EPM2A: variants seen among roughly 807,000 people sequenced by gnomAD.
EPM2A encodes EPM2A glucan phosphatase, laforin, also known as laforin.
A neutral mutation model predicts 26.5 loss-of-function variants in EPM2A; 21 were observed. That is an observed-to-expected ratio of 0.79 (90% CI 0.56 to 1.14). The LOEUF is 1.14. EPM2A is among the 50% of genes most tolerant of loss of function. The pLI is 0.00. For synonymous variants in EPM2A, 217 were observed against 177.6 expected, an observed-to-expected ratio of 1.22 and a Z score of -1.76; for missense variants, 458 against 440.8, an observed-to-expected ratio of 1.04 and a Z score of -0.35.
At chr6:145,466,174 A>G (rs1375350689) in intron 4 of EPM2A, among the ~76,000 whole-genome samples, 1 of 151,216 alleles carries the variant, frequency 6.6e-6, no homozygotes, top group Admixed American at 6.6e-5. Context: ...TGCATAGCAA[A>G]AAAAAAAAAC....
chr6:145,581,590 T>A lies in EPM2A; in HGVS notation c.340+53655A>T, dbSNP rs552946775. Reference sequence around the variant, plus strand: ...TTGACAGGTCCTATGTCCAAAATGGTATTTCCAGATTTTCTTCTAGTGTTT... The same window carrying A: ...TTGACAGGTCCTATGTCCAAAATGGAATTTCCAGATTTTCTTCTAGTGTTT... On this transcript the variant is annotated intron_variant, in intron 2 of 3. Transcript: ENST00000450221. 4.9e-3 allele frequency among the ~76,000 whole-genome samples: 751 copies of A among 152,312 alleles called. 11 individuals carry two copies. Among genetic ancestry groups the A allele is most frequent in the African/African-American group, 0.017 (701 of 41,566 alleles).
intron 1 of EPM2A, among the ~76,000 whole-genome samples, chr6:145,713,115 C>A (rs1013367180): frequency 2.0e-5 from 3 of 152,174 alleles, no homozygotes; most frequent in African/African-American, 7.2e-5. Flanking sequence ...CCACTTGTAA[C>A]AGATGTGTTA....
chr6:145,501,503 T>C (rs925219949), downstream of EPM2A: 1 of 207,196 alleles, frequency 4.8e-6, no homozygotes, highest in Non-Finnish European at 9.8e-6. Flanking sequence ...GTGCCATTGC[T>C]TCTACTGCCC....
intron 4 of EPM2A, among the ~76,000 whole-genome samples, chr6:145,391,717 T>C (rs999428897): frequency 1.3e-5 from 2 of 152,186 alleles, no homozygotes; most frequent in African/African-American, 4.8e-5. Context: ...TTGTGACAGA[T>C]CCCTAGATTC....
intron 2 of EPM2A, among the ~76,000 whole-genome samples, chr6:145,558,614 G>A (rs1382514295): frequency 6.6e-6 from 1 of 151,970 alleles, no homozygotes; most frequent in Non-Finnish European, 1.5e-5. Context: ...TTGTGGTTTT[G>A]ATTTGCATTT....
intron 4 of EPM2A, among the ~76,000 whole-genome samples, chr6:145,421,503 G>C (rs1778780339): frequency 6.6e-6 from 1 of 151,940 alleles, no homozygotes. Flanking sequence ...TTTAATTTCT[G>C]TGGATGTTTA....
chr6:145,440,844 C>G (rs1202496165), intron 4 of EPM2A, among the ~76,000 whole-genome samples: 2 of 152,192 alleles, frequency 1.3e-5, no homozygotes, highest in Non-Finnish European at 2.9e-5. Flanking sequence ...TTGCAGGGGA[C>G]AGCCCTTCTG....
chr6:145,490,386 A>G, intron 4 of EPM2A: 1 of 948,842 alleles, frequency 1.1e-6, no homozygotes, highest in Non-Finnish European at 1.7e-6. Context: ...TTTGGCATGC[A>G]GTGAGGTGAC....
intron 1 of EPM2A, among the ~76,000 whole-genome samples, chr6:145,691,946 A>G (rs2128619257): frequency 6.6e-6 from 1 of 152,214 alleles, no homozygotes; most frequent in East Asian, 1.9e-4. Context: ...AGTTGGCAGA[A>G]TAATTTTTAA....
At chr6:145,730,222 C>T (rs974690658) in intron 1 of EPM2A, among the ~76,000 whole-genome samples, 3 of 152,202 alleles carry the variant, frequency 2.0e-5, no homozygotes, top group Non-Finnish European at 4.4e-5. Context: ...CTGACTAATA[C>T]ACCCAGTCTC....
At chr6:145,490,756 T>C (rs1452072015) in intron 4 of EPM2A, 2 of 561,178 alleles carry the variant, frequency 3.6e-6, no homozygotes, top group Non-Finnish European at 7.0e-6. Context: ...ATGTGAAGGT[T>C]GTCACATGTG....
Position 145,625,425 on chromosome 6 carries a change from T to G in EPM2A, c.*1991A>C. ...CATTCTTTAATAGTCCTAAACTGATTTTGTCTATCAGAGCAAAAGGAACAA... is the reference window on the plus strand; with the variant it reads ...CATTCTTTAATAGTCCTAAACTGATGTTGTCTATCAGAGCAAAAGGAACAA... On this transcript the variant is annotated 3_prime_UTR_variant, in exon 4 of 4. Coordinates refer to ENST00000367519, the MANE Select transcript of EPM2A (RefSeq NM_005670.4). 1 of 431,152 alleles carries G rather than the reference T, an allele frequency of 2.3e-6. No individual in the cohort carries two copies. Among genetic ancestry groups the G allele is most frequent in the Non-Finnish European group, 4.2e-6 (1 of 240,262 alleles). The allele number at this position is 431,152 out of a possible 1,614,324, so 26.7% of individuals were successfully genotyped here.
Position 145,567,135 on chromosome 6 carries a change from C to T in EPM2A, c.341-64560G>A, listed in dbSNP as rs549148218. ...CCCTCAGCAGTTGTTACACAGTATCCCATTCATGCAAACTTTTCTTAAACA... is the reference window on the plus strand; with the variant it reads ...CCCTCAGCAGTTGTTACACAGTATCTCATTCATGCAAACTTTTCTTAAACA... On this transcript the variant is annotated intron_variant, in intron 2 of 3. Transcript: ENST00000450221. Among the ~76,000 whole-genome samples the T allele has an allele frequency of 1.6e-4, 25 of 152,262 alleles. No individual in the cohort carries two copies. In the South Asian group the frequency reaches 5.0e-3, roughly 30 times the overall value.
At chr6:145,702,658 A>G (rs1488643236) in intron 1 of EPM2A, among the ~76,000 whole-genome samples, 2 of 152,180 alleles carry the variant, frequency 1.3e-5, no homozygotes, top group African/African-American at 4.8e-5. Flanking sequence ...AAAACTGTAC[A>G]CTAATGCAAA....
chr6:145,460,289 CT>C (rs1164170310), intron 4 of EPM2A, among the ~76,000 whole-genome samples: 1 of 152,108 alleles, frequency 6.6e-6, no homozygotes, highest in Non-Finnish European at 1.5e-5. Context: ...TAAGAAAAGC[CT>C]TAAACCAGAA....
chr6:145,460,185 C>G (rs1582772385), intron 4 of EPM2A, among the ~76,000 whole-genome samples: 1 of 152,092 alleles, frequency 6.6e-6, no homozygotes, highest in East Asian at 1.9e-4. Flanking sequence ...GATATGGTGT[C>G]TGAATTAAGG....
chr6:145,431,168 A>G (rs1778917465), intron 4 of EPM2A, among the ~76,000 whole-genome samples: 1 of 152,238 alleles, frequency 6.6e-6, no homozygotes, highest in African/African-American at 2.4e-5. Context: ...ATTCACATGT[A>G]AGTAAACATT....
chr6:145,389,271 T>A (rs1291125018), intron 4 of EPM2A, among the ~76,000 whole-genome samples: 1 of 151,636 alleles, frequency 6.6e-6, no homozygotes, highest in Non-Finnish European at 1.5e-5. Context: ...CTCACTGCAA[T>A]CTCCGTCTCC....
intron 4 of EPM2A, among the ~76,000 whole-genome samples, chr6:145,483,556 T>C (rs971544698): frequency 6.6e-6 from 1 of 152,164 alleles, no homozygotes; most frequent in Non-Finnish European, 1.5e-5. Flanking sequence ...ATGTAATGAC[T>C]AGAACAACCT....
Sources: allele counts gnomAD v4.1 joint callset (sites outside exome capture counted in the v4.1 genomes callset), GRCh38; gene constraint gnomAD v4.1.1; transcripts MANE v1.5; gene names NCBI Gene and HGNC (gene_info 2026-07-23, HGNC 2026-07-21).